The following NHSL2 variants were observed in gnomAD, a reference collection of about 807,000 sequenced individuals.
NHSL2 encodes NHS-like protein 2.
A neutral mutation model predicts 53.4 loss-of-function variants in NHSL2; 27 were observed. The ratio of observed to expected loss-of-function variants is 0.51; its 90% CI spans 0.37 to 0.70. NHSL2 has a LOEUF of 0.70. NHSL2 is among the 30% of genes least tolerant of loss of function. NHSL2 has a pLI of 0.00. For missense variants in NHSL2, 892 were observed against 980.1 expected (o/e 0.91, Z 1.20); for synonymous variants, 408 against 404.1 (o/e 1.01, Z -0.12).
chrX:72,140,009 C>T lies in NHSL2; in HGVS notation c.2461C>T (p.Pro821Ser), dbSNP rs2042399978. 1 of 1,210,225 alleles carries T rather than the reference C, an allele frequency of 8.3e-7. No homozygotes were observed. Among genetic ancestry groups the T allele is most frequent in the East Asian group, 3.0e-5 (1 of 33,821 alleles). Reference protein sequence around the residue: ...QKTNPNQPIMPMVTQSDLRSV... With the variant: ...QKTNPNQPIMSMVTQSDLRSV... The stretch of plus-strand genomic sequence containing the variant: ...AACTAATCCCAACCAGCCAATCATG[C>T]CTATGGTTACTCAGTCCGACCTACG... Residue 821 changes from proline (P) to serine (S), a missense_variant, in exon 6 of 8, where the codon CCT (proline) becomes TCT (serine). Physicochemically the swap from Pro to Ser is moderately conservative, Grantham distance 74. Coordinates refer to ENST00000633930, the MANE Select transcript of NHSL2 (RefSeq NM_001013627.3).
At chrX:71,952,390 C>T (rs1272054073) in intron 1 of NHSL2, among the ~76,000 whole-genome samples, 1 of 112,028 alleles carries the variant, frequency 8.9e-6, no homozygotes, top group Non-Finnish European at 1.9e-5. Context: ...TCTTAGTCAG[C>T]TTGGGCAGCT....
chrX:72,111,597 T>G (rs1414728869), intron 1 of NHSL2, among the ~76,000 whole-genome samples: 1 of 111,557 alleles, frequency 9.0e-6, no homozygotes, highest in South Asian at 3.7e-4. Context: ...AAGTATAAGG[T>G]AAATTAAAGA....
At chrX:72,018,504 G>A (rs908082390) in intron 1 of NHSL2, among the ~76,000 whole-genome samples, 13 of 113,160 alleles carry the variant, frequency 1.1e-4, no homozygotes, top group Non-Finnish European at 2.3e-4. Flanking sequence ...GGCACGGGCC[G>A]GGGAAGCAAG....
At chrX:72,039,150 C>T (rs765130626) in intron 1 of NHSL2, among the ~76,000 whole-genome samples, 13 of 29,948 alleles carry the variant, frequency 4.3e-4, no homozygotes, top group African/African-American at 8.5e-4. Context: ...TCCTTTCCTT[C>T]CTTGTCTCTC....
chrX:72,110,784 G>A (rs2042086724), intron 1 of NHSL2, among the ~76,000 whole-genome samples: 1 of 101,314 alleles, frequency 9.9e-6, no homozygotes, highest in African/African-American at 3.7e-5. Flanking sequence ...TGCCCACACT[G>A]TTTATTGCTC....
At chrX:72,034,382 G>A (rs1235303030) in intron 1 of NHSL2, among the ~76,000 whole-genome samples, 1 of 111,839 alleles carries the variant, frequency 8.9e-6, no homozygotes, top group Non-Finnish European at 1.9e-5. Context: ...ATATTGGCCT[G>A]TAGTGTTTTT....
intron 1 of NHSL2, among the ~76,000 whole-genome samples, chrX:72,066,126 A>G (rs1178030545): frequency 9.0e-6 from 1 of 111,461 alleles, no homozygotes; most frequent in Non-Finnish European, 1.9e-5. Context: ...TGAAGAAGAT[A>G]TTCATTGAAG....
chrX:71,964,002 T>C (rs1400364339), intron 1 of NHSL2, among the ~76,000 whole-genome samples: 3 of 6,187 alleles, frequency 4.8e-4, no homozygotes, highest in Non-Finnish European at 4.4e-4. Context: ...TGTATATACA[T>C]ATATATATGT....
At chrX:72,103,169 C>T (rs1027226025) in intron 1 of NHSL2, among the ~76,000 whole-genome samples, 59 of 112,085 alleles carry the variant, frequency 5.3e-4, no homozygotes, top group African/African-American at 1.8e-3. Flanking sequence ...CAAAGTCCCA[C>T]GCCTGGGAAA....
At chrX:72,030,199 C>T (rs1459702113) in intron 1 of NHSL2, among the ~76,000 whole-genome samples, 3 of 112,103 alleles carry the variant, frequency 2.7e-5, no homozygotes, top group Non-Finnish European at 5.6e-5. Context: ...GTAGCTATGA[C>T]GAAGAAAAGA....
At chrX:72,016,919 T>TCC (rs2042138322) in intron 1 of NHSL2, among the ~76,000 whole-genome samples, 1 of 111,991 alleles carries the variant, frequency 8.9e-6, no homozygotes. Context: ...GTGGACCAAG[T>TCC]AGAGAAGCAG....
chrX:72,047,118 C>T (rs761175357), intron 1 of NHSL2, among the ~76,000 whole-genome samples: 3 of 111,408 alleles, frequency 2.7e-5, no homozygotes, highest in African/African-American at 9.8e-5. Flanking sequence ...CTTATTTCCC[C>T]TCCCAGCACC....
intron 1 of NHSL2, among the ~76,000 whole-genome samples, chrX:72,103,081 G>A (rs2042009709): frequency 8.9e-6 from 1 of 112,193 alleles, no homozygotes; most frequent in Non-Finnish European, 1.9e-5. Flanking sequence ...ACATCTGGAG[G>A]AAACTAAAAA....
At chrX:72,102,975 G>A (rs1322087368) in intron 1 of NHSL2, among the ~76,000 whole-genome samples, 1 of 112,321 alleles carries the variant, frequency 8.9e-6, no homozygotes, top group Non-Finnish European at 1.9e-5. Context: ...GCCCCAGATG[G>A]GAGTACCCAC....
At chrX:71,949,269 G>A (rs2041808818) in intron 1 of NHSL2, among the ~76,000 whole-genome samples, 1 of 111,197 alleles carries the variant, frequency 9.0e-6, no homozygotes, top group Non-Finnish European at 1.9e-5. Flanking sequence ...GCATAGAGGG[G>A]CTGATAGAGA....
intron 1 of NHSL2, among the ~76,000 whole-genome samples, chrX:71,964,025 GTGTA>G (rs1484088792): frequency 9.6e-4 from 6 of 6,277 alleles, no homozygotes; most frequent in South Asian, 0.024. Flanking sequence ...ATATATATAT[GTGTA>G]TATATATATA....
intron 3 of NHSL2, 34 bp from the exon 4 acceptor site, chrX:72,134,475 A>C (rs1303259109): frequency 7.2e-6 from 8 of 1,110,342 alleles, no homozygotes; most frequent in Non-Finnish European, 9.7e-6. Context: ...GCCAGGCAGG[A>C]ATACACCCTT....
At chrX:71,951,156 A>C (rs1036468787) in intron 1 of NHSL2, among the ~76,000 whole-genome samples, 1 of 111,208 alleles carries the variant, frequency 9.0e-6, no homozygotes, top group Non-Finnish European at 1.9e-5. Flanking sequence ...CAAATTGACA[A>C]TCTCCAACTC....
intron 1 of NHSL2, among the ~76,000 whole-genome samples, chrX:72,095,902 A>T (rs1181169612): frequency 9.0e-6 from 1 of 111,389 alleles, no homozygotes; most frequent in Non-Finnish European, 1.9e-5. Flanking sequence ...CACTGTACAA[A>T]TGTGCACTGC....
Sources: gnomAD v4.1 joint callset for allele counts (sites outside exome capture counted in the v4.1 genomes callset) on GRCh38, gnomAD v4.1.1 for gene constraint, MANE v1.5 for transcripts, NCBI Gene and HGNC (gene_info 2026-07-23, HGNC 2026-07-21) for gene names.